Variants in HIPK2 observed in about 807,000 individuals in gnomAD.
The protein encoded by HIPK2 is homeodomain-interacting protein kinase 2.
Under a neutral mutation model 113.7 loss-of-function variants are expected in HIPK2, and 27 were observed. That is an observed-to-expected ratio of 0.24 (90% confidence interval 0.17 to 0.33). The LOEUF is 0.33. Among genes scored for constraint, HIPK2 ranks in the 10% least tolerant of loss-of-function variants. HIPK2 has a pLI of 1.00. For missense variants in HIPK2, 1,257 were observed against 1,588.0 expected (o/e 0.79, Z 3.54); for synonymous variants, 631 against 642.2 (o/e 0.98, Z 0.26).
intron 2 of HIPK2, among the ~76,000 whole-genome samples, chr7:139,648,171 C>T (rs1211491714): frequency 1.3e-5 from 2 of 152,212 alleles, no homozygotes; most frequent in Non-Finnish European, 2.9e-5. Context: ...CATTTGGCCT[C>T]AAAAGGGGTA....
chr7:139,775,175 G>A (rs761681898), intron 1 of HIPK2, among the ~76,000 whole-genome samples: 1 of 152,162 alleles, frequency 6.6e-6, no homozygotes, highest in Non-Finnish European at 1.5e-5. Context: ...TCTTCTTATA[G>A]AAATCTACAG....
At chr7:139,719,382 G>A (rs1187901196) in intron 1 of HIPK2, among the ~76,000 whole-genome samples, 1 of 152,010 alleles carries the variant, frequency 6.6e-6, no homozygotes, top group Non-Finnish European at 1.5e-5. Context: ...GGTATTACAG[G>A]TGTGAGCCAC....
intron 2 of HIPK2, among the ~76,000 whole-genome samples, chr7:139,661,128 CA>C (rs1306339979): frequency 1.3e-5 from 2 of 152,148 alleles, no homozygotes; most frequent in African/African-American, 4.8e-5. Context: ...CCATTTCAAG[CA>C]AACAACATTT....
At chr7:139,725,020 A>C (rs1795530107) in intron 1 of HIPK2, among the ~76,000 whole-genome samples, 2 of 152,206 alleles carry the variant, frequency 1.3e-5, no homozygotes, top group South Asian at 4.1e-4. Context: ...AAAAAAACAA[A>C]AAACATGAAA....
rs1799073076 is a variant in HIPK2 at position 139,592,816 on chromosome 7, G to A, written c.2717+3901C>T. 2.6e-5 allele frequency among the ~76,000 whole-genome samples: 4 copies of A among 152,326 alleles called. No homozygotes were observed. In the South Asian group the frequency reaches 8.3e-4, roughly 32 times the overall value. ...CCAGTTCTACTACTTAATCCTGGGG[G>A]ACCCAGAACAATATCTGTTTGTCTT... On this transcript the variant is annotated intron_variant, in intron 12 of 14. Coordinates refer to ENST00000406875, the MANE Select transcript of HIPK2 (RefSeq NM_022740.5).
chr7:139,672,793 A>G (rs1237850344), intron 2 of HIPK2, among the ~76,000 whole-genome samples: 1 of 152,220 alleles, frequency 6.6e-6, no homozygotes, highest in Non-Finnish European at 1.5e-5. Flanking sequence ...CTGGTGATTA[A>G]TTAGAATCAC....
Position 139,620,513 on chromosome 7 carries a change from A to G in HIPK2, c.1670T>C (p.Met557Thr), listed in dbSNP as rs920057163. Reference sequence around the variant, plus strand: ...TTTGCTCTGGTTCACCGTGTCATACATATTCACCCGACGCTTGCAGATCTC... The same window carrying G: ...TTTGCTCTGGTTCACCGTGTCATACGTATTCACCCGACGCTTGCAGATCTC... ...NMEICKRRVNMYDTVNQSKTP... is the reference protein window; with the variant it reads ...NMEICKRRVNTYDTVNQSKTP... The change falls in exon 7 of 15, where the codon ATG (methionine) becomes ACG (threonine). Residue 557 changes from methionine to threonine, a missense_variant. Around this residue, in one of 5 missense-constraint regions of HIPK2, gnomAD observed 862 missense variants for 1,004.3 expected, o/e 0.86. Coordinates refer to ENST00000406875, the MANE Select transcript of HIPK2 (RefSeq NM_022740.5). 2.5e-6 allele frequency: 4 copies of G among 1,614,006 alleles called. No homozygotes were observed. Among genetic ancestry groups the G allele is most frequent in the East Asian group, 4.5e-5 (2 of 44,884 alleles).
At chr7:139,599,594 A>G (rs1379509318) in intron 11 of HIPK2, among the ~76,000 whole-genome samples, 1 of 152,244 alleles carries the variant, frequency 6.6e-6, no homozygotes, top group African/African-American at 2.4e-5. Context: ...GTCTGGGATT[A>G]AACAAGCTAT....
intron 1 of HIPK2, among the ~76,000 whole-genome samples, chr7:139,723,554 T>C (rs575102063): frequency 2.8e-4 from 43 of 152,232 alleles, no homozygotes; most frequent in African/African-American, 9.4e-4. Flanking sequence ...TAGCATATTT[T>C]CCCCCCACTA....
At chr7:139,574,106 G>A (rs1010657254) in intron 14 of HIPK2, among the ~76,000 whole-genome samples, 12 of 152,114 alleles carry the variant, frequency 7.9e-5, no homozygotes, top group African/African-American at 9.7e-5. Context: ...GACTACAGGC[G>A]TGAGCCACCG....
intron 2 of HIPK2, among the ~76,000 whole-genome samples, chr7:139,705,900 G>A (rs1794881431): frequency 6.6e-6 from 1 of 151,782 alleles, no homozygotes; most frequent in Admixed American, 6.6e-5. Context: ...TTGAGCAGCT[G>A]ACGATTGGCC....
intron 1 of HIPK2, among the ~76,000 whole-genome samples, chr7:139,731,471 C>T (rs1303722465): frequency 3.3e-5 from 5 of 152,216 alleles, no homozygotes; most frequent in Non-Finnish European, 5.9e-5. Context: ...AGGCCACAGA[C>T]GGCACTTCCT....
chr7:139,578,963 C>T (rs1424624281), intron 13 of HIPK2, among the ~76,000 whole-genome samples: 2 of 152,182 alleles, frequency 1.3e-5, no homozygotes, highest in East Asian at 1.9e-4. Flanking sequence ...CGTGAGCCAC[C>T]GTGCCGGACA....
chr7:139,591,512 A>G (rs1799024510), intron 12 of HIPK2, among the ~76,000 whole-genome samples: 1 of 152,124 alleles, frequency 6.6e-6, no homozygotes, highest in African/African-American at 2.4e-5. Flanking sequence ...GTGGAAAGCA[A>G]GGAGCAAACC....
At chr7:139,707,418 C>A (rs1794934969) in intron 2 of HIPK2, among the ~76,000 whole-genome samples, 1 of 152,268 alleles carries the variant, frequency 6.6e-6, no homozygotes, top group African/African-American at 2.4e-5. Context: ...AAGGGTGGCC[C>A]TGTCTGCACT....
At chr7:139,620,954 C>T (rs538362159) in intron 6 of HIPK2, among the ~76,000 whole-genome samples, 1 of 152,296 alleles carries the variant, frequency 6.6e-6, no homozygotes, top group East Asian at 1.9e-4. Context: ...TAACTAGTCA[C>T]TTATAACCCG....
rs769253975 is a variant in HIPK2, at chr7:139,573,002, G to A, written c.3522C>T (p.Ser1174=). The A allele has an allele frequency of 3.7e-6, 6 of 1,610,786 alleles. No individual in the cohort carries two copies. Among genetic ancestry groups the A allele is most frequent in the South Asian group, 1.1e-5 (1 of 90,516 alleles). The change falls in exon 15 of 15, where the codon AGC becomes AGT. Residue 1174 remains serine (S), a synonymous_variant. Transcript: ENST00000406875. ...TGTAGACGGTGGAGGCTGGCGAGGCGCTGATGTAGGTCTGGTGGGCAAATT... is the reference window on the plus strand; with the variant it reads ...TGTAGACGGTGGAGGCTGGCGAGGCACTGATGTAGGTCTGGTGGGCAAATT... ...PAQFAHQTYI[S]ASPASTVYTG... is the part of the protein sequence containing the mutation.
chr7:139,594,887 G>A (rs1053688410), intron 12 of HIPK2, among the ~76,000 whole-genome samples: 1 of 151,622 alleles, frequency 6.6e-6, no homozygotes. Flanking sequence ...TCTTTGAGTT[G>A]TTCCCATGAA....
chr7:139,739,600 G>A (rs1219041586), intron 1 of HIPK2, among the ~76,000 whole-genome samples: 9 of 150,534 alleles, frequency 6.0e-5, no homozygotes, highest in Non-Finnish European at 1.3e-4. Context: ...AAAAAAAAAA[G>A]GTATAGTTCA....
Sources: allele counts gnomAD v4.1 joint callset (sites outside exome capture counted in the v4.1 genomes callset), GRCh38; gene constraint gnomAD v4.1.1; regional missense constraint gnomAD v4.1.1; transcripts MANE v1.5; gene names NCBI Gene and HGNC (gene_info 2026-07-23, HGNC 2026-07-21).